The following MYO1H variants were observed in gnomAD, a reference collection of about 807,000 sequenced individuals.
MYO1H encodes the protein myosin IH.
Under a neutral mutation model 149.3 loss-of-function variants are expected in MYO1H, and 118 were observed. The ratio of observed to expected loss-of-function variants is 0.79; its 90% CI spans 0.68 to 0.92. The LOEUF (loss-of-function observed/expected upper bound fraction) is 0.92. Among genes scored for constraint, MYO1H ranks in the 40% least tolerant of loss-of-function variants. The pLI, the probability that MYO1H is intolerant of heterozygous loss-of-function variation, is 0.00. For synonymous variants in MYO1H, 447 were observed against 465.2 expected, an observed-to-expected ratio of 0.96 and a Z score of 0.50; for missense variants, 1,212 against 1,280.7, an observed-to-expected ratio of 0.95 and a Z score of 0.82.
At chr12:109,412,038 A>G in intron 14 of MYO1H, 53 bp downstream of exon 14, 3 of 1,261,464 alleles carry the variant, frequency 2.4e-6, no homozygotes, top group Non-Finnish European at 3.3e-6. Flanking sequence ...TTGTGTCTCC[A>G]TTTTCTTTAG....
At position 109,445,576 on chromosome 12, in the gene MYO1H, AC is replaced by A. The variant is rs1431000610; in HGVS notation, c.3058del (p.Gln1020LysfsTer10). The A allele has an allele frequency of 5.0e-6, 8 of 1,612,830 alleles. No homozygotes were observed. The highest frequency in any genetic ancestry group is 6.8e-6 in the Non-Finnish European group (8 of 1,179,630). On this transcript the variant is annotated frameshift_variant, in exon 31 of 32. Coordinates refer to ENST00000310903, the Ensembl canonical transcript of MYO1H. LOFTEE classifies it high-confidence loss of function. The stretch of plus-strand genomic sequence containing the variant: ...TAGTTTTCGACACTGGACTGGAAGA[AC>A]AAGTCTATAAAAATAAAAATGGACA...
chr12:109,373,788 A>T lies in MYO1H; in HGVS notation c.13-14895A>T, dbSNP rs182514773. On this transcript the variant is annotated intron_variant, in intron 1 of 31. Transcript: ENST00000310903. ...TATGCCTCCACCCAGTGAAAGATAC[A>T]AAACCCACCCTTGGTTTTCTTTGTT... Among the ~76,000 whole-genome samples the T allele has an allele frequency of 1.1e-3, 170 of 152,336 alleles. 3 individuals carry two copies. The highest frequency in any genetic ancestry group is 5.9e-5 in the Non-Finnish European group (4 of 68,038).
At chr12:109,420,249 C>T (rs886262647) in intron 15 of MYO1H, among the ~76,000 whole-genome samples, 1 of 152,122 alleles carries the variant, frequency 6.6e-6, no homozygotes, top group Non-Finnish European at 1.5e-5. Context: ...GCATTTGTGC[C>T]ACGAGTTCAG....
intron 16 of MYO1H, 65 bp from the exon 17 acceptor site, chr12:109,424,683 G>T: frequency 1.5e-6 from 2 of 1,312,038 alleles, no homozygotes; most frequent in South Asian, 1.2e-5. Flanking sequence ...TCTGTGAGCC[G>T]TCCTGACAGC....
chr12:109,411,758 C>A (rs532146925), intron 13 of MYO1H, 136 bp from the exon 14 acceptor site: 7 of 590,172 alleles, frequency 1.2e-5, no homozygotes, highest in Admixed American at 3.6e-5. Flanking sequence ...TTCTTCCCCC[C>A]AGAATGTTCA....
At chr12:109,403,716 A>T (rs1246075549) in intron 6 of MYO1H, among the ~76,000 whole-genome samples, 1 of 152,244 alleles carries the variant, frequency 6.6e-6, no homozygotes, top group Non-Finnish European at 1.5e-5. Flanking sequence ...AACTATGTTT[A>T]AAAACACATA....
intron 1 of MYO1H, among the ~76,000 whole-genome samples, chr12:109,371,010 A>G (rs1201457333): frequency 6.6e-6 from 1 of 152,212 alleles, no homozygotes; most frequent in African/African-American, 2.4e-5. Flanking sequence ...AGATAATAAT[A>G]GAGGAATTTG....
exon 2 of MYO1H, chr12:109,388,708 T>C: frequency 3.8e-6 from 6 of 1,592,492 alleles, no homozygotes; most frequent in Non-Finnish European, 5.1e-6. Context: ...AGGAAACACA[T>C]CCGTCTGCAC....
rs1566044974 is a variant in MYO1H at position 109,443,128 on chromosome 12, A to ATATGTGTG, written c.2689-383_2689-382insGTGTGTAT. Among the ~76,000 whole-genome samples, 26 of 11,828 alleles carry ATATGTGTG rather than the reference A, an allele frequency of 2.2e-3. 9 individuals carry two copies. In the South Asian group the frequency reaches 0.035, roughly 16 times the overall value. 7.8% of individuals were successfully genotyped at this position (11,828 alleles called of 152,430 possible). A position where few individuals can be genotyped will look rare whatever the true frequency, so the allele number is the denominator to read the frequency against. ...CGTATATGTGTGTATATGTGTACGTATATATGTGTGTATATGTGTACGTAT... is the reference window on the plus strand; with the variant it reads ...CGTATATGTGTGTATATGTGTACGTATATGTGTGTATATGTGTGTATATGTGTACGTAT... On this transcript the variant is annotated intron_variant, in intron 27 of 31. Coordinates refer to ENST00000310903, the Ensembl canonical transcript of MYO1H.
chr12:109,311,192 T>C, the MYO1H span, among the ~76,000 whole-genome samples: 1 of 152,170 alleles, frequency 6.6e-6, no homozygotes. Context: ...GTTTTTAAAA[T>C]AAAAGGCATC....
the MYO1H span, among the ~76,000 whole-genome samples, chr12:109,335,588 A>AC: frequency 2.6e-5 from 4 of 152,030 alleles, no homozygotes; most frequent in East Asian, 1.9e-4. Context: ...CAAAAAAAAA[A>AC]CTAATATTTT....
intron 17 of MYO1H, among the ~76,000 whole-genome samples, chr12:109,425,553 A>G (rs1466180403): frequency 2.6e-5 from 4 of 152,206 alleles, no homozygotes; most frequent in Non-Finnish European, 5.9e-5. Flanking sequence ...GGGAGAGAGT[A>G]TAAGAAAATA....
At chr12:109,393,561 A>C in intron 3 of MYO1H, 115 bp downstream of exon 3, 1 of 664,506 alleles carries the variant, frequency 1.5e-6, no homozygotes, top group Non-Finnish European at 2.7e-6. Context: ...CCATCCATCC[A>C]TCCATCCATC....
At chr12:109,431,088 CATA>C (rs1039773173) in intron 19 of MYO1H, among the ~76,000 whole-genome samples, 36 of 137,024 alleles carry the variant, frequency 2.6e-4, no homozygotes, top group Admixed American at 1.5e-3. Context: ...TTAAAATAAA[CATA>C]ATATGAGGCC....
At chr12:109,440,415 C>T (rs1440332570) in intron 24 of MYO1H, among the ~76,000 whole-genome samples, 1 of 152,164 alleles carries the variant, frequency 6.6e-6, no homozygotes, top group East Asian at 1.9e-4. Context: ...TCTGAGGACC[C>T]TCTGTGTCTG....
chr12:109,432,710 C>T (rs1414303438), intron 19 of MYO1H, among the ~76,000 whole-genome samples, 187 bp from the exon 20 acceptor site: 1 of 152,194 alleles, frequency 6.6e-6, no homozygotes, highest in Non-Finnish European at 1.5e-5. Flanking sequence ...GAAACAGTTT[C>T]TCTCTCCTTT....
At chr12:109,427,193 G>A (rs1472136085) in intron 18 of MYO1H, among the ~76,000 whole-genome samples, 3 of 151,732 alleles carry the variant, frequency 2.0e-5, no homozygotes, top group Non-Finnish European at 4.4e-5. Flanking sequence ...GTGTGCACCT[G>A]TAATCCCCAC....
intron 1 of MYO1H, among the ~76,000 whole-genome samples, chr12:109,380,311 A>C (rs147102409): frequency 3.2e-4 from 48 of 152,354 alleles, no homozygotes; most frequent in African/African-American, 1.1e-3. Flanking sequence ...GGCATCATTA[A>C]ATATTCTACA....
intron 17 of MYO1H, among the ~76,000 whole-genome samples, chr12:109,425,742 C>T (rs1260584977): frequency 1.3e-5 from 2 of 152,288 alleles, no homozygotes; most frequent in African/African-American, 2.4e-5. Context: ...CCAGCTTCCA[C>T]GTGACCAGAC....
Sources: allele counts gnomAD v4.1 joint callset (sites outside exome capture counted in the v4.1 genomes callset), GRCh38; gene constraint gnomAD v4.1.1; transcripts MANE v1.5; gene names NCBI Gene and HGNC (gene_info 2026-07-23, HGNC 2026-07-21).